Variants in COLEC12 observed in about 807,000 individuals in gnomAD.
The protein encoded by COLEC12 is collectin subfamily member 12, also known as collectin-12.
A neutral mutation model predicts 71.1 loss-of-function variants in COLEC12; 33 were observed. The ratio of observed to expected loss-of-function variants is 0.46; its 90% confidence interval spans 0.35 to 0.62. The LOEUF (loss-of-function observed/expected upper bound fraction) is 0.62, where lower values mean the gene tolerates loss of function less well. COLEC12 is among the 20% of genes least tolerant of loss of function. The probability of loss-of-function intolerance (pLI) is 0.00; values close to 1 mark genes in which losing one functional copy is unlikely to be tolerated. For synonymous variants in COLEC12, 350 were observed against 353.0 expected (o/e 0.99, Z 0.10); for missense variants, 765 against 916.1 (o/e 0.84, Z 2.13).
At chr18:370,889 G>A (rs1476289482) in intron 2 of COLEC12, among the ~76,000 whole-genome samples, 1 of 152,226 alleles carries the variant, frequency 6.6e-6, no homozygotes, top group Non-Finnish European at 1.5e-5. Flanking sequence ...TCTTTGTCAT[G>A]CACCAAGACA....
chr18:323,124 C>T (rs1197109996), intron 8 of COLEC12, among the ~76,000 whole-genome samples: 3 of 152,124 alleles, frequency 2.0e-5, no homozygotes, highest in Non-Finnish European at 4.4e-5. Context: ...ACTTGGGAGG[C>T]TGAAGCAGGA....
rs373113347 is a variant in COLEC12, at chr18:347,200, G to A, written c.422C>T (p.Ala141Val). 335 of 1,614,076 alleles carry A rather than the reference G, an allele frequency of 2.1e-4. No homozygotes were observed. The highest frequency in any genetic ancestry group is 1.6e-3 in the East Asian group (74 of 44,886). Residue 141 changes from alanine (A) to valine (V), a missense_variant, in exon 5 of 10, where the codon GCG (alanine) becomes GTG (valine). By Grantham distance (64) the Ala-to-Val change is moderately conservative (BLOSUM62 0). Coordinates refer to ENST00000400256, the MANE Select transcript of COLEC12 (RefSeq NM_130386.3). Reference sequence around the variant, plus strand: ...CCTGTCCACCAGAGCATCCCCGCTCGCCTGTAACTTCTCCAGCGTATCCTT... The same window carrying A: ...CCTGTCCACCAGAGCATCCCCGCTCACCTGTAACTTCTCCAGCGTATCCTT... ...KNKDTLEKLQASGDALVDRQS... is the reference protein window; with the variant it reads ...KNKDTLEKLQVSGDALVDRQS...
chr18:377,444 T>C lies in COLEC12; in HGVS notation c.59-19922A>G, dbSNP rs1463202886. Among the ~76,000 whole-genome samples the C allele has an allele frequency of 2.6e-5, 4 of 152,212 alleles. No homozygotes were observed. In the East Asian group the frequency reaches 7.7e-4, roughly 29 times the overall value. Reference sequence around the variant, plus strand: ...CCTGGCTAGATCTAACAGTGTGCGCTGGGATATGCCAGTTACAGGCGTATC... The same window carrying C: ...CCTGGCTAGATCTAACAGTGTGCGCCGGGATATGCCAGTTACAGGCGTATC... On this transcript the variant is annotated intron_variant, in intron 2 of 9. Coordinates refer to ENST00000400256, the MANE Select transcript of COLEC12 (RefSeq NM_130386.3).
chr18:351,330 C>T (rs1914516632), intron 3 of COLEC12, among the ~76,000 whole-genome samples: 1 of 151,776 alleles, frequency 6.6e-6, no homozygotes, highest in Non-Finnish European at 1.5e-5. Flanking sequence ...CCTATTTGCT[C>T]TTCAAGACTC....
At chr18:449,054 T>C (rs1462824057) in intron 2 of COLEC12, among the ~76,000 whole-genome samples, 1 of 152,102 alleles carries the variant, frequency 6.6e-6, no homozygotes, top group Non-Finnish European at 1.5e-5. Flanking sequence ...TCATCTTTCA[T>C]TGAAATCATA....
intron 2 of COLEC12, among the ~76,000 whole-genome samples, chr18:383,471 C>T (rs1011130100): frequency 1.3e-5 from 2 of 152,016 alleles, no homozygotes; most frequent in African/African-American, 4.8e-5. Context: ...TAATACCTGC[C>T]AGAAACATGA....
At chr18:417,358 G>T (rs143686382) in intron 2 of COLEC12, among the ~76,000 whole-genome samples, 3 of 152,248 alleles carry the variant, frequency 2.0e-5, no homozygotes, top group Admixed American at 2.0e-4. Flanking sequence ...ATAAGGCAAC[G>T]CCATCATAAT....
rs192270693 is a variant in COLEC12, at chr18:491,798, G to C, written c.7+8710C>G. On this transcript the variant is annotated intron_variant, in intron 1 of 9. Coordinates refer to ENST00000400256, the MANE Select transcript of COLEC12 (RefSeq NM_130386.3). ...ATGAAAATTTATCTTAACGTATTTTGGGCTGTAAAAACTGAAGAAAGGTGT... is the reference window on the plus strand; with the variant it reads ...ATGAAAATTTATCTTAACGTATTTTCGGCTGTAAAAACTGAAGAAAGGTGT... Among the ~76,000 whole-genome samples the C allele has an allele frequency of 2.0e-5, 3 of 152,244 alleles. No individual in the cohort carries two copies. In the East Asian group the frequency reaches 5.8e-4, roughly 29 times the overall value.
intron 2 of COLEC12, among the ~76,000 whole-genome samples, chr18:456,080 T>C (rs911673935): frequency 2.0e-5 from 3 of 152,186 alleles, no homozygotes; most frequent in African/African-American, 7.2e-5. Context: ...GGAGGCTGGC[T>C]GGTTTAAGAG....
intron 1 of COLEC12, among the ~76,000 whole-genome samples, chr18:496,414 T>C (rs937315865): frequency 3.3e-5 from 5 of 152,192 alleles, no homozygotes; most frequent in Non-Finnish European, 7.3e-5. Flanking sequence ...TATAATTAGA[T>C]TGTAAATTTG....
intron 2 of COLEC12, among the ~76,000 whole-genome samples, chr18:451,514 G>A (rs1454798966): frequency 4.6e-5 from 7 of 152,142 alleles, no homozygotes; most frequent in African/African-American, 1.4e-4. Flanking sequence ...TTGGGAGGCC[G>A]AGGTGGGTGG....
At chr18:472,011 T>C (rs1468725419) in intron 2 of COLEC12, among the ~76,000 whole-genome samples, 1 of 152,222 alleles carries the variant, frequency 6.6e-6, no homozygotes, top group Non-Finnish European at 1.5e-5. Context: ...TTTGTGCTAC[T>C]TTTCATAATA....
At chr18:397,820 G>A (rs1284901111) in intron 2 of COLEC12, among the ~76,000 whole-genome samples, 1 of 152,160 alleles carries the variant, frequency 6.6e-6, no homozygotes, top group African/African-American at 2.4e-5. Context: ...TGTAGAAAAG[G>A]CCAAAGATTG....
At chr18:331,322 T>C (rs1913975209) in intron 8 of COLEC12, among the ~76,000 whole-genome samples, 1 of 152,240 alleles carries the variant, frequency 6.6e-6, no homozygotes, top group Non-Finnish European at 1.5e-5. Context: ...ACGCTGAACA[T>C]GCCTGAGGTT....
intron 5 of COLEC12, among the ~76,000 whole-genome samples, chr18:337,660 C>G (rs1467948005): frequency 6.6e-6 from 1 of 152,208 alleles, no homozygotes; most frequent in Admixed American, 6.5e-5. Context: ...GACCTCTGCC[C>G]ACAGCTCCTG....
rs1913570483 is a variant in COLEC12 at position 317,312 on chromosome 18, T to C, written c.*2733A>G. On this transcript the variant is annotated 3_prime_UTR_variant, in exon 10 of 10. Transcript: ENST00000400256. ...GGAGGCATCTTGTAATGTGTGATTATTCATTTGATTTTATTCAGTGTGCTA... is the reference window on the plus strand; with the variant it reads ...GGAGGCATCTTGTAATGTGTGATTACTCATTTGATTTTATTCAGTGTGCTA... The C allele has an allele frequency of 6.6e-6, 1 of 152,214 alleles. No homozygotes were observed. The highest frequency in any genetic ancestry group is 2.4e-5 in the African/African-American group (1 of 41,470). The allele number at this position is 152,214 out of a possible 1,614,324, so 9.4% of individuals were successfully genotyped here.
intron 9 of COLEC12, among the ~76,000 whole-genome samples, chr18:321,309 C>T (rs1461187392): frequency 6.6e-6 from 1 of 152,246 alleles, no homozygotes; most frequent in Non-Finnish European, 1.5e-5. Flanking sequence ...CCGCCTCCAC[C>T]TCCCAAAGTG....
chr18:480,716 T>C lies in COLEC12; in HGVS notation c.49A>G (p.Lys17Glu). 6.2e-7 allele frequency: 1 copy of C among 1,613,994 alleles called. No individual in the cohort carries two copies. Among genetic ancestry groups the C allele is most frequent in the Non-Finnish European group, 8.5e-7 (1 of 1,179,968 alleles). Residue 17 changes from lysine to glutamate, a missense_variant, in exon 2 of 10, where the codon AAG (lysine) becomes GAG (glutamate). Coordinates refer to ENST00000400256, the MANE Select transcript of COLEC12 (RefSeq NM_130386.3). The surrounding 1 kb of genome is among the most constrained non-coding windows in gnomAD (Gnocchi z 4.1). ...CTTTGTTAGGACTCACCAAACCGCT[T>C]GTAACCGAAGGATTGCACCTCCTCC... is the stretch of plus-strand genomic sequence containing the variant. ...EEEEVQSFGY[K>E]RFGIQEGTQC...
intron 2 of COLEC12, among the ~76,000 whole-genome samples, chr18:404,803 T>C (rs929735449): frequency 1.3e-5 from 2 of 152,168 alleles, no homozygotes; most frequent in Admixed American, 1.3e-4. Flanking sequence ...ATGAAATCAG[T>C]GCACCTTGAA....
Sources: allele counts gnomAD v4.1 joint callset (sites outside exome capture counted in the v4.1 genomes callset), GRCh38; gene constraint gnomAD v4.1.1; non-coding constraint Gnocchi (gnomAD v3.1); transcripts MANE v1.5; gene names NCBI Gene and HGNC (gene_info 2026-07-23, HGNC 2026-07-21).